Variants in NDRG2 observed in about 807,000 individuals in gnomAD.
NDRG2 encodes the protein protein NDRG2.
A neutral mutation model predicts 58.2 loss-of-function variants in NDRG2; 34 were observed. That is an observed-to-expected ratio of 0.58 (90% CI 0.44 to 0.78). NDRG2 has a LOEUF of 0.78. NDRG2 is among the 30% of genes least tolerant of loss of function. The probability of loss-of-function intolerance (pLI) is 0.00; values close to 1 mark genes in which losing one functional copy is unlikely to be tolerated. For synonymous variants in NDRG2, 187 were observed against 175.9 expected (o/e 1.06, Z -0.50); for missense variants, 434 against 471.2 (o/e 0.92, Z 0.73).
In NDRG2 at chr14:21,017,022, C is replaced by T. The variant is rs1017263894; in HGVS notation, c.*574G>A. On this transcript the variant is annotated 3_prime_UTR_variant, in exon 16 of 16. Transcript: ENST00000556147. ...CCCAGCACCAATCCTTCCCCACACTCGTTCACTGCCCGCCAACTCCCATTC... is the reference window on the plus strand; with the variant it reads ...CCCAGCACCAATCCTTCCCCACACTTGTTCACTGCCCGCCAACTCCCATTC... The T allele has an allele frequency of 2.2e-6, 1 of 456,074 alleles. No individual in the cohort carries two copies. The highest frequency in any genetic ancestry group is 4.4e-6 in the Non-Finnish European group (1 of 226,474). 28.3% of individuals were successfully genotyped at this position (456,074 alleles called of 1,614,324 possible).
At chr14:21,030,125 T>C (rs77985338), upstream of NDRG2, 3,312 of 154,842 alleles carry the variant, frequency 0.021, 128 homozygotes, top group African/African-American at 0.075. Context: ...GCCCCCTCCT[T>C]TGAAGGCAAT....
chr14:21,034,505 C>G (rs892808563), intron 1 of NDRG2, among the ~76,000 whole-genome samples: 4 of 152,224 alleles, frequency 2.6e-5, no homozygotes, highest in Admixed American at 6.5e-5. Flanking sequence ...TGGTCCACCA[C>G]AGAATCTCAG....
chr14:21,040,016 A>C (rs1010407214), intron 1 of NDRG2, among the ~76,000 whole-genome samples: 4 of 152,298 alleles, frequency 2.6e-5, no homozygotes, highest in Middle Eastern at 3.4e-3. Context: ...CTCCACTCCA[A>C]AGGCTAGACT....
intron 1 of NDRG2, chr14:21,034,149 C>T (rs1314003248): frequency 3.1e-6 from 5 of 1,614,158 alleles, no homozygotes. Context: ...GCCCCGGAAA[C>T]CCTTTGGGTA....
At chr14:21,058,574 T>A in intron 1 of NDRG2, 1 of 548,484 alleles carries the variant, frequency 1.8e-6, no homozygotes. Flanking sequence ...GTAGCTTACT[T>A]TGCAGCCCTT....
chr14:21,037,216 G>T (rs530578073), intron 1 of NDRG2, among the ~76,000 whole-genome samples: 1 of 152,226 alleles, frequency 6.6e-6, no homozygotes, highest in African/African-American at 2.4e-5. Context: ...ATTTAATGAT[G>T]ATGAGCCTTC....
In NDRG2 at chr14:21,017,734, G is replaced by A; in HGVS notation, c.978C>T (p.Ser326=). Residue 326 remains serine, a synonymous_variant, in exon 16 of 16, where the codon TCC becomes TCT. Coordinates refer to ENST00000556147, the MANE Select transcript of NDRG2 (RefSeq NM_001320329.2). ...YMASSCMTRL[S]RSRTASLTSA... ...TGGTCAGAGAGGCTGTACGAGACCG[G>A]GACAGGCGAGTCATGCAGGATGAGG... 1 of 1,601,830 alleles carries A rather than the reference G, an allele frequency of 6.2e-7. No homozygotes were observed. The highest frequency in any genetic ancestry group is 1.1e-5 in the South Asian group (1 of 89,500).
At chr14:21,020,089 T>C in intron 8 of NDRG2, 113 bp from the exon 9 acceptor site, 1 of 858,154 alleles carries the variant, frequency 1.2e-6, no homozygotes, top group Non-Finnish European at 1.9e-6. Flanking sequence ...AGGTCAGGAG[T>C]TCAAGACCAC....
rs1883131698 is a variant in NDRG2, at chr14:21,025,023, C to G, written c.-1000G>C. 3 of 985,990 alleles carry G rather than the reference C, an allele frequency of 3.0e-6. No homozygotes were observed. In the African/African-American group the frequency reaches 5.2e-5, roughly 17 times the overall value. The allele number at this position is 985,990 out of a possible 1,614,324, so 61.1% of individuals were successfully genotyped here. On this transcript the variant is annotated 5_prime_UTR_variant, in exon 1 of 16. Coordinates refer to ENST00000556147, the MANE Select transcript of NDRG2 (RefSeq NM_001320329.2). This position sits in a 1 kb window ranked among gnomAD's most constrained non-coding sequence, Gnocchi z 5.1. The stretch of plus-strand genomic sequence containing the variant: ...CCTACGGCCCCTCGCCTGCCCCTCC[C>G]CCTACCTGCTGCCGCCGCGGCCGCT...
rs1886648982 is a variant in NDRG2 at position 21,070,486 on chromosome 14, GAGCCTGCCTCGGACT to G, written c.24+327_24+341del. On this transcript the variant is annotated intron_variant, in intron 1 of 14. Transcript: ENST00000403829. This position sits in a 1 kb window ranked among gnomAD's most constrained non-coding sequence, Gnocchi z 4.7. ...CCAAGTCCTCAGCCTGGTGCCTCCC[GAGCCTGCCTCGGACT>G]GTTCGGCCCCTCTGGGACTCTCCTC... 2 of 1,336,630 alleles carry G rather than the reference GAGCCTGCCTCGGACT, an allele frequency of 1.5e-6. No homozygotes were observed. The highest frequency in any genetic ancestry group is 3.9e-5 in the South Asian group (2 of 51,180). The allele number at this position is 1,336,630 out of a possible 1,614,324, so 82.8% of individuals were successfully genotyped here.
chr14:21,017,966 A>G (rs774333808), intron 15 of NDRG2, 21 bp downstream of exon 15: 1 of 1,614,156 alleles, frequency 6.2e-7, no homozygotes, highest in Non-Finnish European at 8.5e-7. Context: ...TAGTGCAGCA[A>G]GCTCTTGTCC....
At chr14:21,065,908 G>A (rs936598836) in intron 1 of NDRG2, among the ~76,000 whole-genome samples, 2 of 152,126 alleles carry the variant, frequency 1.3e-5, no homozygotes, top group Admixed American at 6.5e-5. Flanking sequence ...AGACCAGCCT[G>A]GCCAACATGG....
intron 10 of NDRG2, among the ~76,000 whole-genome samples, 172 bp from the exon 11 acceptor site, chr14:21,019,332 T>G (rs544307931): frequency 4.5e-4 from 69 of 152,162 alleles, no homozygotes; most frequent in African/African-American, 1.6e-3. Flanking sequence ...GCACAGCCCC[T>G]ATAGTCACTT....
rs936422444 is a variant in NDRG2 at position 21,017,628 on chromosome 14, G to C, written c.1084C>G (p.Pro362Ala). ...GAGACCTCCATGGTGTGCCCCGGGG[G>C]CCCCGAAGAAAGAGTTCCAGACTCG... ...SSESGTLSSG[P>A]PGHTMEVSC is the part of the protein sequence containing the mutation. Residue 362 changes from proline (P) to alanine (A), a missense_variant, in exon 16 of 16, where the codon CCC (proline) becomes GCC (alanine). Coordinates refer to ENST00000556147, the MANE Select transcript of NDRG2 (RefSeq NM_001320329.2). 6.2e-7 allele frequency: 1 copy of C among 1,613,748 alleles called. No individual in the cohort carries two copies. The highest frequency in any genetic ancestry group is 1.7e-5 in the Admixed American group (1 of 59,970).
At chr14:21,029,706 C>G (rs535368951), upstream of NDRG2, among the ~76,000 whole-genome samples, 36 of 152,292 alleles carry the variant, frequency 2.4e-4, no homozygotes, top group African/African-American at 8.2e-4. Context: ...CAGAGCCTTT[C>G]TGAATGGGAT....
Position 21,022,139 on chromosome 14 carries a change from C to T in NDRG2, c.267G>A (p.Gln89=). ...CCCGCACAAAGTTCTGAATGATTTC[C>T]TGCATGTCCTCGAACTGAAACAGTG... The part of the protein sequence containing the change: ...FQPLFQFEDM[Q]EIIQNFVRVH... The change falls in exon 5 of 16, where the codon CAG becomes CAA. Residue 89 remains glutamine (Q), a synonymous_variant. Transcript: ENST00000556147. 6.2e-7 allele frequency: 1 copy of T among 1,614,176 alleles called. No homozygotes were observed. The highest frequency in any genetic ancestry group is 8.5e-7 in the Non-Finnish European group (1 of 1,180,036).
At chr14:21,046,474 T>C (rs1885149503) in intron 1 of NDRG2, among the ~76,000 whole-genome samples, 1 of 33,956 alleles carries the variant, frequency 2.9e-5, no homozygotes, top group Non-Finnish European at 8.2e-5. Context: ...TGAGCCATGA[T>C]CTGCACTCCA....
intron 1 of NDRG2, among the ~76,000 whole-genome samples, chr14:21,051,407 G>A (rs909621952): frequency 1.3e-5 from 2 of 152,188 alleles, no homozygotes; most frequent in African/African-American, 4.8e-5. Flanking sequence ...GCTGAAGGCT[G>A]CACGCAGCCT....
chr14:21,026,191 G>T (rs1416432774), upstream of NDRG2, among the ~76,000 whole-genome samples: 2 of 152,088 alleles, frequency 1.3e-5, no homozygotes, highest in Non-Finnish European at 2.9e-5. Context: ...CTCTCCTTGT[G>T]CCCCTCGGAG....
Sources: gnomAD v4.1 joint callset for allele counts (sites outside exome capture counted in the v4.1 genomes callset) on GRCh38, gnomAD v4.1.1 for gene constraint, Gnocchi (gnomAD v3.1) non-coding constraint, MANE v1.5 for transcripts, NCBI Gene and HGNC (gene_info 2026-07-23, HGNC 2026-07-21) for gene names.